FBLIM1: variants seen among roughly 807,000 people sequenced by gnomAD.
FBLIM1 encodes filamin-binding LIM protein 1.
Under a neutral mutation model 37.4 loss-of-function variants are expected in FBLIM1, and 29 were observed. The ratio of observed to expected loss-of-function variants is 0.77; its 90% confidence interval spans 0.58 to 1.06. The LOEUF (loss-of-function observed/expected upper bound fraction) is 1.06. FBLIM1 is among the 50% of genes least tolerant of loss of function. The probability of loss-of-function intolerance (pLI) is 0.00; values close to 1 mark genes in which losing one functional copy is unlikely to be tolerated. For synonymous variants in FBLIM1, 193 were observed against 199.0 expected (o/e 0.97, Z 0.25); for missense variants, 449 against 505.6 (o/e 0.89, Z 1.07).
In FBLIM1 at chr1:15,765,717, C is replaced by T. The variant is rs74528955; in HGVS notation, c.250+484C>T. On this transcript the variant is annotated intron_variant, in intron 3 of 8. Transcript: ENST00000375766. This position sits in a 1 kb window ranked among gnomAD's most constrained non-coding sequence, Gnocchi z 5.9. ...GCCAGCTGCTTGAAGCCGTCTACAC[C>T]GAAGGCTGCCATCTGCCATCTGCTT... Among the ~76,000 whole-genome samples the T allele has an allele frequency of 3.8e-4, 58 of 152,254 alleles. 1 individual carries two copies. In the East Asian group the frequency reaches 0.011, roughly 28 times the overall value.
rs1461948882 is a variant in FBLIM1 at position 15,784,721 on chromosome 1, G to T, written c.*60G>T. ...CCGGCTGGGGCCCTTCCCTGACTTG[G>T]TTTCCCTTCCTAACCTGCTCTTGCA... On this transcript the variant is annotated 3_prime_UTR_variant, in exon 9 of 9. Transcript: ENST00000375766. 2.0e-6 allele frequency: 3 copies of T among 1,489,814 alleles called. No individual in the cohort carries two copies. The African/African-American group carries it at 4.1e-5, about 21-fold the overall frequency. The allele number at this position is 1,489,814 out of a possible 1,614,324, so 92.3% of individuals were successfully genotyped here.
Position 15,767,440 on chromosome 1 carries a change from A to ACCC in FBLIM1, c.318_320dup (p.Pro112dup). On this transcript the variant is annotated inframe_insertion, in exon 4 of 9. Coordinates refer to ENST00000375766, the MANE Select transcript of FBLIM1 (RefSeq NM_017556.4). ...TGCTTCCTGACCTGGACCTCCTCCCACCCCCTCCACCGCCCCCTCCAGTGC... is the reference window on the plus strand; with the variant it reads ...TGCTTCCTGACCTGGACCTCCTCCCACCCCCCCCTCCACCGCCCCCTCCAGTGC... The ACCC allele has an allele frequency of 1.6e-6, 1 of 618,282 alleles. No individual in the cohort carries two copies. The allele number at this position is 618,282 out of a possible 1,614,324, so 38.3% of individuals were successfully genotyped here.
At position 15,785,547 on chromosome 1, in the gene FBLIM1, A is replaced by G; in HGVS notation, c.*886A>G. On this transcript the variant is annotated 3_prime_UTR_variant, in exon 9 of 9. Coordinates refer to ENST00000375766, the MANE Select transcript of FBLIM1 (RefSeq NM_017556.4). The stretch of plus-strand genomic sequence containing the variant: ...CTACTCAGGAGGCTGAGGCAGGAGC[A>G]TTGCTTGAACCCGGGAGGCAGAGGT... 6.6e-6 allele frequency: 1 copy of G among 152,060 alleles called. No homozygotes were observed. The highest frequency in any genetic ancestry group is 1.5e-5 in the Non-Finnish European group (1 of 68,016). The allele number at this position is 152,060 out of a possible 1,614,324, so 9.4% of individuals were successfully genotyped here.
rs2068880370 is a variant in FBLIM1, at chr1:15,765,662, C to G, written c.250+429C>G. Among the ~76,000 whole-genome samples the G allele has an allele frequency of 1.3e-5, 2 of 152,134 alleles. No homozygotes were observed. The highest frequency in any genetic ancestry group is 4.1e-4 in the South Asian group (2 of 4,826). Reference sequence around the variant, plus strand: ...ATGCGCCTGGTCTGACTGCAGGACACAAAGGCTGGCCCCGGGCCCTGGGGA... The same window carrying G: ...ATGCGCCTGGTCTGACTGCAGGACAGAAAGGCTGGCCCCGGGCCCTGGGGA... On this transcript the variant is annotated intron_variant, in intron 3 of 8. Transcript: ENST00000375766. This position sits in a 1 kb window ranked among gnomAD's most constrained non-coding sequence, Gnocchi z 5.9.
chr1:15,757,564 G>A (rs61783869), upstream of FBLIM1, among the ~76,000 whole-genome samples: 20 of 152,220 alleles, frequency 1.3e-4, no homozygotes, highest in Middle Eastern at 3.4e-3. The surrounding 1 kb of genome is among the most constrained non-coding windows in gnomAD (Gnocchi z 4.1). Flanking sequence ...GGGTGAGGGC[G>A]GAGGCAGCCT....
At chr1:15,769,276 A>C (rs539121461) in intron 5 of FBLIM1, among the ~76,000 whole-genome samples, 1 of 152,092 alleles carries the variant, frequency 6.6e-6, no homozygotes. Context: ...CAGGAGTTCG[A>C]GATCCGCCTG....
In FBLIM1 at chr1:15,777,283, G is replaced by C; in HGVS notation, c.1004G>C (p.Cys335Ser). 6.2e-7 allele frequency: 1 copy of C among 1,609,172 alleles called. No individual in the cohort carries two copies. Among genetic ancestry groups the C allele is most frequent in the Non-Finnish European group, 8.5e-7 (1 of 1,175,808 alleles). The change falls in exon 8 of 9, where the codon TGT (cysteine) becomes TCT (serine). Residue 335 changes from cysteine to serine, a missense_variant. Coordinates refer to ENST00000375766, the MANE Select transcript of FBLIM1 (RefSeq NM_017556.4). ...AACTTCCATGAAAATTGCTACAGGT[G>C]TGAGGTGAGTGGAGCCTAGGTGGTT... ...GRNFHENCYRCEDCRILLSVE... is the reference protein window; with the variant it reads ...GRNFHENCYRSEDCRILLSVE...
At position 15,767,481 on chromosome 1, in the gene FBLIM1, A is replaced by G. The variant is rs1209668418; in HGVS notation, c.356A>G (p.Glu119Gly). The G allele has an allele frequency of 5.4e-6, 8 of 1,487,398 alleles. No individual in the cohort carries two copies. The Admixed American group carries it at 1.6e-4, about 30-fold the overall frequency. 92.1% of individuals were successfully genotyped at this position (1,487,398 alleles called of 1,614,324 possible). A position where few individuals can be genotyped will look rare whatever the true frequency, so the allele number is the denominator to read the frequency against. Reference protein sequence around the residue: ...PPPPVLLPSEEEAPAPMGASL... With the variant: ...PPPPVLLPSEGEAPAPMGASL... ...CCTCCAGTGCTTCTGCCTTCTGAAG[A>G]GGAGGCTCCTGCTCCAATGGGGGCC... The change falls in exon 4 of 9, where the codon GAG (glutamate) becomes GGG (glycine). Residue 119 changes from glutamate (E) to glycine (G), a missense_variant. Coordinates refer to ENST00000375766, the MANE Select transcript of FBLIM1 (RefSeq NM_017556.4).
At chr1:15,758,460 C>T (rs1462976986), upstream of FBLIM1, 1 of 152,076 alleles carries the variant, frequency 6.6e-6, no homozygotes, top group Non-Finnish European at 1.5e-5. This position sits in a 1 kb window ranked among gnomAD's most constrained non-coding sequence, Gnocchi z 6.2. Flanking sequence ...GGGAAGGAAA[C>T]CCACCCCGAC....
chr1:15,784,508 C>T (rs761944702), intron 8 of FBLIM1, 40 bp from the exon 9 acceptor site: 49 of 1,564,682 alleles, frequency 3.1e-5, no homozygotes, highest in Non-Finnish European at 4.3e-5. Context: ...AGGCAGCGCC[C>T]AGGCCCAGGG....
chr1:15,773,989 G>C (rs1250540808), intron 6 of FBLIM1, among the ~76,000 whole-genome samples: 1 of 151,964 alleles, frequency 6.6e-6, no homozygotes, highest in Non-Finnish European at 1.5e-5. Flanking sequence ...CAAAAAATTA[G>C]CCGGGCGTGG....
chr1:15,759,555 GC>G (rs1050774517), intron 1 of FBLIM1, among the ~76,000 whole-genome samples: 4 of 152,006 alleles, frequency 2.6e-5, no homozygotes, highest in African/African-American at 9.7e-5. Flanking sequence ...CCCCAGCCGA[GC>G]CCAGCCCCCG....
In FBLIM1 at chr1:15,777,282, T is replaced by C. The variant is rs1286316390; in HGVS notation, c.1003T>C (p.Cys335Arg). The C allele has an allele frequency of 3.1e-6, 5 of 1,610,480 alleles. No homozygotes were observed. Among genetic ancestry groups the C allele is most frequent in the Admixed American group, 3.3e-5 (2 of 59,858 alleles). Residue 335 changes from cysteine to arginine, a missense_variant, in exon 8 of 9, where the codon TGT (cysteine) becomes CGT (arginine). Transcript: ENST00000375766. ...AAACTTCCATGAAAATTGCTACAGG[T>C]GTGAGGTGAGTGGAGCCTAGGTGGT... ...GRNFHENCYR[C>R]EDCRILLSVE...
At position 15,777,183 on chromosome 1, in the gene FBLIM1, G is replaced by C. The variant is rs138158787; in HGVS notation, c.904G>C (p.Val302Leu). 1 of 1,606,442 alleles carries C rather than the reference G, an allele frequency of 6.2e-7. No individual in the cohort carries two copies. The highest frequency in any genetic ancestry group is 1.3e-5 in the African/African-American group (1 of 74,926). ...CTTTGCTTCTAGGAAATTCGCCCCCGTCTGCAGCATCTGTGAAAATCCCAT... is the reference window on the plus strand; with the variant it reads ...CTTTGCTTCTAGGAAATTCGCCCCCCTCTGCAGCATCTGTGAAAATCCCAT... ...LDDFYRKFAP[V>L]CSICENPIIP... Residue 302 changes from valine to leucine, a missense_variant, in exon 8 of 9, where the codon GTC becomes CTC. Physicochemically the swap from Val to Leu is conservative, Grantham distance 32 (BLOSUM62 1). Transcript: ENST00000375766.
intron 7 of FBLIM1, among the ~76,000 whole-genome samples, chr1:15,775,865 C>G (rs148708997): frequency 1.3e-5 from 2 of 152,256 alleles, no homozygotes; most frequent in East Asian, 3.9e-4. Context: ...AGCTTTTCTT[C>G]CTCCAGGATG....
Position 15,768,509 on chromosome 1 carries a change from C to A in FBLIM1, c.439-19C>A, listed in dbSNP as rs780774224. ...TGCATGGGGTCCCACTGGATGACTC[C>A]CCGTCTGCATCCCCACAGGCCCCAG... On this transcript the variant is annotated intron_variant, in intron 4 of 8. Transcript: ENST00000375766. 71 of 1,525,446 alleles carry A rather than the reference C, an allele frequency of 4.7e-5. No homozygotes were observed. The highest frequency in any genetic ancestry group is 3.6e-4 in the Middle Eastern group (2 of 5,610). 94.5% of individuals were successfully genotyped at this position (1,525,446 alleles called of 1,614,324 possible). A position where few individuals can be genotyped will look rare whatever the true frequency, so the allele number is the denominator to read the frequency against.
At position 15,768,637 on chromosome 1, in the gene FBLIM1, G is replaced by A. The variant is rs1340529279; in HGVS notation, c.541+7G>A. The stretch of plus-strand genomic sequence containing the variant: ...GAGAAAGGGGCATCCACAGGTAGGT[G>A]CACAGGGCTGAGAGGATACTGGGGT... On this transcript the variant is annotated splice_region_variant and intron_variant, in intron 5 of 8. Transcript: ENST00000375766. The A allele has an allele frequency of 3.7e-6, 6 of 1,605,026 alleles. No individual in the cohort carries two copies. Among genetic ancestry groups the A allele is most frequent in the Non-Finnish European group, 5.1e-6 (6 of 1,176,180 alleles).
intron 1 of FBLIM1, among the ~76,000 whole-genome samples, chr1:15,761,458 T>G (rs1458104882): frequency 6.6e-6 from 1 of 152,178 alleles, no homozygotes; most frequent in East Asian, 1.9e-4. Context: ...GAGGCACATA[T>G]AGTACCTGGC....
chr1:15,767,663 T>A, intron 4 of FBLIM1, 100 bp downstream of exon 4: 1 of 520,184 alleles, frequency 1.9e-6, no homozygotes, highest in Non-Finnish European at 3.4e-6. Flanking sequence ...AAACCTGGAC[T>A]TTGTCTGGTG....
Sources: allele counts gnomAD v4.1 joint callset (sites outside exome capture counted in the v4.1 genomes callset), GRCh38; gene constraint gnomAD v4.1.1; non-coding constraint Gnocchi (gnomAD v3.1); transcripts MANE v1.5; gene names NCBI Gene and HGNC (gene_info 2026-07-23, HGNC 2026-07-21).